The following TNFAIP8L1 variants were observed in gnomAD, a reference collection of about 807,000 sequenced individuals.
TNFAIP8L1 encodes tumor necrosis factor alpha-induced protein 8-like protein 1.
For synonymous variants in TNFAIP8L1, 127 were observed against 125.6 expected (o/e 1.01, Z -0.08); for missense variants, 225 against 266.1 (o/e 0.85, Z 1.08).
intron 1 of TNFAIP8L1, among the ~76,000 whole-genome samples, chr19:4,646,187 A>G (rs969452682): frequency 4.6e-5 from 7 of 151,984 alleles, no homozygotes; most frequent in Non-Finnish European, 7.4e-5. Context: ...CAGTGGAACA[A>G]TCTCGACTCC....
chr19:4,640,379 A>C (rs1203208934), intron 1 of TNFAIP8L1: 1 of 152,234 alleles, frequency 6.6e-6, no homozygotes, highest in Non-Finnish European at 1.5e-5. Context: ...GGGCTGGTGG[A>C]GGAGCAGCCC....
At position 4,642,726 on chromosome 19, in the gene TNFAIP8L1, AGGAGGAGGAGAGAG is replaced by A. The variant is rs1359782606; in HGVS notation, c.-4+3106_-4+3119del. 3.0e-5 allele frequency among the ~76,000 whole-genome samples: 4 copies of A among 134,738 alleles called. No homozygotes were observed. The East Asian group carries it at 1.0e-3, about 35-fold the overall frequency. The allele number at this position is 134,738 out of a possible 152,430, so 88.4% of individuals were successfully genotyped here. On this transcript the variant is annotated intron_variant, in intron 1 of 1. Transcript: ENST00000327473. ...GGAGGCCCGTGGGGCTGGAGCAGTG[AGGAGGAGGAGAGAG>A]GGAGGAGGGGAGGGCAGGGAGGGGA... is the stretch of plus-strand genomic sequence containing the variant.
chr19:4,649,169 A>G (rs1400233217), intron 1 of TNFAIP8L1, among the ~76,000 whole-genome samples: 1 of 150,898 alleles, frequency 6.6e-6, no homozygotes, highest in African/African-American at 2.4e-5. Flanking sequence ...ACCTCAAGTG[A>G]TCCTCCCGCC....
intron 1 of TNFAIP8L1, among the ~76,000 whole-genome samples, chr19:4,644,530 G>A (rs1160360357): frequency 6.8e-6 from 1 of 147,980 alleles, no homozygotes; most frequent in Non-Finnish European, 1.5e-5. Flanking sequence ...GGGCAACAGA[G>A]TAAGACCTTG....
intron 1 of TNFAIP8L1, among the ~76,000 whole-genome samples, chr19:4,649,176 C>T (rs951262705): frequency 1.3e-5 from 2 of 151,794 alleles, no homozygotes; most frequent in Non-Finnish European, 1.5e-5. Context: ...GTGATCCTCC[C>T]GCCTTGGCTT....
chr19:4,648,332 C>T (rs2088331009), intron 1 of TNFAIP8L1, among the ~76,000 whole-genome samples: 2 of 152,244 alleles, frequency 1.3e-5, no homozygotes, highest in South Asian at 2.1e-4. Flanking sequence ...GCGGCCGCTA[C>T]ACCGCCTCCT....
Position 4,651,852 on chromosome 19 carries a change from C to A in TNFAIP8L1, c.-3-15C>A. On this transcript the variant is annotated splice_polypyrimidine_tract_variant and intron_variant, in intron 1 of 1. Coordinates refer to ENST00000327473, the MANE Select transcript of TNFAIP8L1 (RefSeq NM_152362.3). The stretch of plus-strand genomic sequence containing the variant: ...CCAACGTGCAAAACTGAGGGCTGGT[C>A]TGTGTCCCCCGCAGGCCATGGACAC... 1 of 1,580,622 alleles carries A rather than the reference C, an allele frequency of 6.3e-7. No homozygotes were observed. The highest frequency in any genetic ancestry group is 1.1e-5 in the South Asian group (1 of 87,456).
chr19:4,642,188 A>C (rs1187631508), intron 1 of TNFAIP8L1: 1 of 152,126 alleles, frequency 6.6e-6, no homozygotes, highest in African/African-American at 2.4e-5. Context: ...TCAAAGAAAA[A>C]GAAGAGAATT....
At position 4,652,488 on chromosome 19, in the gene TNFAIP8L1, G is replaced by C; in HGVS notation, c.*58G>C. 7.0e-7 allele frequency: 1 copy of C among 1,437,142 alleles called. No individual in the cohort carries two copies. The highest frequency in any genetic ancestry group is 1.5e-5 in the African/African-American group (1 of 68,728). The allele number at this position is 1,437,142 out of a possible 1,614,324, so 89.0% of individuals were successfully genotyped here. On this transcript the variant is annotated 3_prime_UTR_variant, in exon 2 of 2. Transcript: ENST00000327473. ...CTTTTGGGGCTCTCCTGCTGGGCGC[G>C]GGTGGGGTTTGTGGGTTTTTTTCCA...
rs552070900 is a variant in TNFAIP8L1, at chr19:4,640,339, T to C, written c.-4+710T>C. 5 of 152,408 alleles carry C rather than the reference T, an allele frequency of 3.3e-5. No individual in the cohort carries two copies. The South Asian group carries it at 1.0e-3, about 32-fold the overall frequency. 9.4% of individuals were successfully genotyped at this position (152,408 alleles called of 1,614,324 possible). On this transcript the variant is annotated intron_variant, in intron 1 of 1. Transcript: ENST00000327473. The stretch of plus-strand genomic sequence containing the variant: ...ATCTGTTTTCTCTGCATCCTCACAT[T>C]TCCCAGCACCTTCTCTATGGAGGGG...
chr19:4,652,744 G>T lies in TNFAIP8L1; in HGVS notation c.*314G>T. The T allele has an allele frequency of 3.0e-6, 1 of 336,234 alleles. No individual in the cohort carries two copies. The highest frequency in any genetic ancestry group is 5.6e-6 in the Non-Finnish European group (1 of 176,992). The allele number at this position is 336,234 out of a possible 1,614,324, so 20.8% of individuals were successfully genotyped here. ...GACCCCTGGGTCGCTTGATGTAAAA[G>T]CCAAAAGCTGCTGCCTCCCACTTGG... On this transcript the variant is annotated 3_prime_UTR_variant, in exon 2 of 2. Transcript: ENST00000327473.
At chr19:4,642,550 T>G (rs1397354447) in intron 1 of TNFAIP8L1, 1 of 151,766 alleles carries the variant, frequency 6.6e-6, no homozygotes, top group Admixed American at 6.6e-5. Context: ...CTGGGAGGGC[T>G]TCCTGAGGAG....
chr19:4,651,618 G>A (rs532143832), intron 1 of TNFAIP8L1, among the ~76,000 whole-genome samples: 21 of 151,310 alleles, frequency 1.4e-4, no homozygotes, highest in Non-Finnish European at 2.5e-4. Context: ...TGTATTTTTA[G>A]TAGAGAGAAA....
rs1428385439 is a variant in TNFAIP8L1, at chr19:4,645,893, C to T, written c.-3-5974C>T. Among the ~76,000 whole-genome samples, 2 of 152,046 alleles carry T rather than the reference C, an allele frequency of 1.3e-5. No individual in the cohort carries two copies. The highest frequency in any genetic ancestry group is 1.9e-4 in the East Asian group (1 of 5,180). ...CAGAGGCTGTGGACAGGGCTGAGGC[C>T]TCCTGGCTGTTCCTGTAACAAGCGT... is the stretch of plus-strand genomic sequence containing the variant. On this transcript the variant is annotated intron_variant, in intron 1 of 1. Transcript: ENST00000327473. This position sits in a 1 kb window ranked among gnomAD's most constrained non-coding sequence, Gnocchi z 4.1.
At chr19:4,644,452 G>A (rs1008315394) in intron 1 of TNFAIP8L1, among the ~76,000 whole-genome samples, 10 of 151,544 alleles carry the variant, frequency 6.6e-5, no homozygotes, top group African/African-American at 2.4e-4. Flanking sequence ...GGCTGAGGTG[G>A]GAGGATCACT....
chr19:4,642,799 A>G (rs1011722042), intron 1 of TNFAIP8L1, among the ~76,000 whole-genome samples: 7 of 151,974 alleles, frequency 4.6e-5, no homozygotes, highest in African/African-American at 1.7e-4. Flanking sequence ...ATGGGCTGCC[A>G]GGAATACTTG....
At chr19:4,643,368 ATAAT>A (rs1568280076) in intron 1 of TNFAIP8L1, among the ~76,000 whole-genome samples, 1 of 151,998 alleles carries the variant, frequency 6.6e-6, no homozygotes, top group Non-Finnish European at 1.5e-5. Flanking sequence ...CTGCACTCTA[ATAAT>A]TTATTGCTTG....
intron 1 of TNFAIP8L1, among the ~76,000 whole-genome samples, chr19:4,651,107 C>G (rs561022224): frequency 6.6e-6 from 1 of 152,066 alleles, no homozygotes; most frequent in Non-Finnish European, 1.5e-5. Context: ...AGCCCCGGGT[C>G]TGGGGCTCAC....
chr19:4,642,737 A>G (rs2088273407), intron 1 of TNFAIP8L1, among the ~76,000 whole-genome samples: 1 of 134,422 alleles, frequency 7.4e-6, no homozygotes, highest in African/African-American at 2.8e-5. Flanking sequence ...GGAGGAGGAG[A>G]GAGGGAGGAG....
Sources: allele counts gnomAD v4.1 joint callset (sites outside exome capture counted in the v4.1 genomes callset), GRCh38; gene constraint gnomAD v4.1.1; non-coding constraint Gnocchi (gnomAD v3.1); transcripts MANE v1.5; gene names NCBI Gene and HGNC (gene_info 2026-07-23, HGNC 2026-07-21).